MARCHF11: variants seen among roughly 807,000 people sequenced by gnomAD.
MARCHF11 encodes membrane associated ring-CH-type finger 11.
Under a neutral mutation model 37.3 loss-of-function variants are expected in MARCHF11, and 29 were observed. The observed-to-expected ratio is 0.78, with a 90% confidence interval of 0.58 to 1.06. MARCHF11 has a LOEUF of 1.06. MARCHF11 is among the 50% of genes least tolerant of loss of function. MARCHF11 has a pLI of 0.00. For missense variants in MARCHF11, 482 were observed against 533.4 expected, an observed-to-expected ratio of 0.90 and a Z score of 0.95; for synonymous variants, 233 against 228.0, an observed-to-expected ratio of 1.02 and a Z score of -0.20.
intron 3 of MARCHF11, among the ~76,000 whole-genome samples, chr5:16,084,582 G>T: frequency 6.6e-6 from 1 of 151,940 alleles, no homozygotes; most frequent in East Asian, 1.9e-4. Flanking sequence ...GATGGATGTT[G>T]CAGTGGGCCA....
At position 16,169,404 on chromosome 5, in the gene MARCHF11, T is replaced by A. The variant is rs189943438; in HGVS notation, c.693+8322A>T. ...TATCGTTATAAGGAAGGGACATCCA[T>A]TGTACAGGTGTCATCAATAAAAATG... On this transcript the variant is annotated intron_variant, in intron 2 of 3. Transcript: ENST00000332432. Among the ~76,000 whole-genome samples the A allele has an allele frequency of 4.7e-3, 713 of 152,186 alleles. 5 individuals are homozygous for A. The highest frequency in any genetic ancestry group is 6.9e-3 in the Non-Finnish European group (468 of 67,992).
chr5:16,130,051 TA>T (rs1273090996), intron 2 of MARCHF11, among the ~76,000 whole-genome samples: 1 of 152,174 alleles, frequency 6.6e-6, no homozygotes, highest in Non-Finnish European at 1.5e-5. Context: ...CAAATTATTT[TA>T]ACAATTACAG....
intron 3 of MARCHF11, among the ~76,000 whole-genome samples, chr5:16,077,800 C>A (rs1736545536): frequency 6.6e-6 from 1 of 152,120 alleles, no homozygotes; most frequent in Non-Finnish European, 1.5e-5. Context: ...TCACTCAGAA[C>A]CATGGGAAGA....
At chr5:16,158,535 T>C (rs1738016266) in intron 2 of MARCHF11, among the ~76,000 whole-genome samples, 1 of 151,930 alleles carries the variant, frequency 6.6e-6, no homozygotes, top group Non-Finnish European at 1.5e-5. Context: ...ATATGGAATC[T>C]ATAAGTCAAA....
chr5:16,155,326 G>A (rs1579416537), intron 2 of MARCHF11, among the ~76,000 whole-genome samples: 1 of 151,620 alleles, frequency 6.6e-6, no homozygotes, highest in Non-Finnish European at 1.5e-5. Context: ...TTTTCATGGC[G>A]ATTACCACCA....
At chr5:16,120,366 T>C (rs1013653390) in intron 2 of MARCHF11, among the ~76,000 whole-genome samples, 8 of 152,140 alleles carry the variant, frequency 5.3e-5, no homozygotes, top group African/African-American at 1.4e-4. Context: ...CCTGTACAAG[T>C]CTCACTTAGA....
Position 16,179,055 on chromosome 5 carries a change from A to G in MARCHF11, c.521T>C (p.Phe174Ser). Residue 174 changes from phenylalanine (F) to serine (S), a missense_variant, in exon 1 of 4, where the codon TTC (phenylalanine) becomes TCC (serine). Transcript: ENST00000332432. ...GGGCCTTACCTGCTCCGCGCCCTGG[A>G]AGCAGATCTTGCAGATGGGCTGGTG... is the stretch of plus-strand genomic sequence containing the variant. The part of the protein sequence containing the change: ...QHHQPICKIC[F>S]QGAEQGELLN... 1 of 1,486,014 alleles carries G rather than the reference A, an allele frequency of 6.7e-7. No individual in the cohort carries two copies. Among genetic ancestry groups the G allele is most frequent in the Non-Finnish European group, 8.9e-7 (1 of 1,124,660 alleles). 92.1% of individuals were successfully genotyped at this position (1,486,014 alleles called of 1,614,324 possible).
chr5:16,111,278 G>A (rs1307639020), intron 2 of MARCHF11, among the ~76,000 whole-genome samples: 4 of 152,206 alleles, frequency 2.6e-5, no homozygotes, highest in African/African-American at 7.2e-5. Context: ...GAAAAGGCAG[G>A]AAAGTTTGGA....
At chr5:16,103,476 C>T (rs1736992936) in intron 2 of MARCHF11, among the ~76,000 whole-genome samples, 1 of 152,152 alleles carries the variant, frequency 6.6e-6, no homozygotes, top group South Asian at 2.1e-4. Flanking sequence ...ATGACGATTA[C>T]AAAATCACAA....
chr5:16,154,429 G>C (rs978309583), intron 2 of MARCHF11, among the ~76,000 whole-genome samples: 1 of 151,970 alleles, frequency 6.6e-6, no homozygotes, highest in Non-Finnish European at 1.5e-5. Flanking sequence ...TTCATGCCAA[G>C]TATATTTTCT....
At chr5:16,175,835 G>A (rs146753804) in intron 2 of MARCHF11, among the ~76,000 whole-genome samples, 78 of 152,178 alleles carry the variant, frequency 5.1e-4, no homozygotes, top group African/African-American at 1.7e-3. Flanking sequence ...TTGTTTCTAC[G>A]TATGATTTGG....
chr5:16,080,635 CTG>C (rs950791093), intron 3 of MARCHF11, among the ~76,000 whole-genome samples: 1 of 152,192 alleles, frequency 6.6e-6, no homozygotes, highest in Admixed American at 6.5e-5. Context: ...CAGTCAGCCT[CTG>C]TGAATGACAC....
At chr5:16,134,501 C>T (rs1737574717) in intron 2 of MARCHF11, among the ~76,000 whole-genome samples, 2 of 152,254 alleles carry the variant, frequency 1.3e-5, no homozygotes, top group African/African-American at 4.8e-5. Context: ...CAACTTTCTC[C>T]TCTTTATAAA....
intron 2 of MARCHF11, among the ~76,000 whole-genome samples, chr5:16,163,791 T>C (rs1268458268): frequency 1.3e-5 from 2 of 152,022 alleles, no homozygotes; most frequent in Non-Finnish European, 1.5e-5. Flanking sequence ...TATTAAGACG[T>C]GGAGCTTTAA....
chr5:16,069,588 G>A (rs185535669), intron 3 of MARCHF11, among the ~76,000 whole-genome samples: 16 of 152,206 alleles, frequency 1.1e-4, no homozygotes, highest in Admixed American at 2.0e-4. Flanking sequence ...GGAGGTCACC[G>A]CATTTACATG....
intron 2 of MARCHF11, among the ~76,000 whole-genome samples, chr5:16,169,080 C>A (rs975567760): frequency 6.6e-6 from 1 of 151,994 alleles, no homozygotes; most frequent in Admixed American, 6.6e-5. Flanking sequence ...ACAGGTTGAA[C>A]AAACCAAGGC....
intron 2 of MARCHF11, among the ~76,000 whole-genome samples, chr5:16,161,909 T>A (rs559525578): frequency 6.6e-6 from 1 of 152,098 alleles, no homozygotes; most frequent in African/African-American, 2.4e-5. Flanking sequence ...TTCAAAATAA[T>A]CCATCTCAGA....
intron 2 of MARCHF11, among the ~76,000 whole-genome samples, chr5:16,173,284 CCCCCAGAAATCTCAGACTTCTCTGGCCT>C (rs1243445507): frequency 6.6e-6 from 1 of 152,276 alleles, no homozygotes; most frequent in East Asian, 1.9e-4. Context: ...CTGTGACTGT[CCCCCAGAAATCTCAGACTTCTCTGGCCT>C]CCTGCCTACT....
intron 3 of MARCHF11, among the ~76,000 whole-genome samples, chr5:16,069,337 C>T (rs1248291057): frequency 6.6e-6 from 1 of 151,994 alleles, no homozygotes; most frequent in Non-Finnish European, 1.5e-5. Flanking sequence ...ATAATAACCA[C>T]TAAATTCATG....
Sources: allele counts gnomAD v4.1 joint callset (sites outside exome capture counted in the v4.1 genomes callset), GRCh38; gene constraint gnomAD v4.1.1; transcripts MANE v1.5; gene names NCBI Gene and HGNC (gene_info 2026-07-23, HGNC 2026-07-21).